ADGRG3: variants seen among roughly 807,000 people sequenced by gnomAD.
ADGRG3 encodes the protein G protein-coupled receptor 97.
In ADGRG3, 39 loss-of-function variants were observed where a neutral mutation model predicts 54.3. The observed-to-expected ratio is 0.72, with a 90% CI of 0.56 to 0.94. The LOEUF is 0.94. Among genes scored for constraint, ADGRG3 ranks in the 40% least tolerant of loss-of-function variants. ADGRG3 has a pLI of 0.00. For synonymous variants in ADGRG3, 312 were observed against 290.0 expected, an observed-to-expected ratio of 1.08 and a Z score of -0.77; for missense variants, 654 against 694.6, an observed-to-expected ratio of 0.94 and a Z score of 0.66.
At chr16:57,678,537 C>T (rs754191276) in intron 4 of ADGRG3, 1 of 576,374 alleles carries the variant, frequency 1.7e-6, no homozygotes, top group Non-Finnish European at 3.1e-6. Flanking sequence ...TGTTTGACCC[C>T]CACACATGAG....
At chr16:57,678,657 G>A (rs1183716300) in intron 4 of ADGRG3, 1 of 373,704 alleles carries the variant, frequency 2.7e-6, no homozygotes, top group African/African-American at 2.0e-5. Flanking sequence ...ACAAGCCCAT[G>A]TACTCAGCTG....
At chr16:57,680,781 A>G (rs896110735) in intron 8 of ADGRG3, among the ~76,000 whole-genome samples, 164 bp downstream of exon 8, 2 of 152,248 alleles carry the variant, frequency 1.3e-5, no homozygotes, top group Admixed American at 1.3e-4. Context: ...TGTCAGAGCT[A>G]TTTCAGGAGC....
chr16:57,668,904 C>G (rs2048101094), intron 1 of ADGRG3, among the ~76,000 whole-genome samples: 1 of 152,134 alleles, frequency 6.6e-6, no homozygotes, highest in African/African-American at 2.4e-5. Context: ...GCCACAACCT[C>G]TTGGTCCTCA....
chr16:57,684,430 C>T lies in ADGRG3; in HGVS notation c.1203C>T (p.Asn401=). 1 of 1,613,904 alleles carries T rather than the reference C, an allele frequency of 6.2e-7. No individual in the cohort carries two copies. The highest frequency in any genetic ancestry group is 8.5e-7 in the Non-Finnish European group (1 of 1,179,942). The part of the protein sequence containing the change: ...ALMVIGTGSA[N]SYGLYTIRDR... ...TGGTCATCGGCACTGGGAGTGCCAACAGCTACGGCCTCTACACCATCCGTG... is the reference window on the plus strand; with the variant it reads ...TGGTCATCGGCACTGGGAGTGCCAATAGCTACGGCCTCTACACCATCCGTG... Residue 401 remains asparagine, a synonymous_variant, in exon 10 of 12, where the codon AAC becomes AAT. Coordinates refer to ENST00000333493, the MANE Select transcript of ADGRG3 (RefSeq NM_170776.5).
At chr16:57,667,690 T>C (rs1489925381), upstream of ADGRG3, among the ~76,000 whole-genome samples, 1 of 152,130 alleles carries the variant, frequency 6.6e-6, no homozygotes, top group Non-Finnish European at 1.5e-5. Flanking sequence ...GTCTTCCCGC[T>C]ACCCTGCCTC....
chr16:57,673,326 GA>G lies in ADGRG3; in HGVS notation c.68del (p.Lys23SerfsTer22). ...TCTCTGCATTCCTTCCTTAGGTCAG[GA>G]AAAGCCCACCGAAGGGCCAAGAAAC... ...LLLLLPTSGQ[E>X]KPTEGPRNTC... On this transcript the variant is annotated frameshift_variant, in exon 2 of 12. Transcript: ENST00000333493. LOFTEE classifies it high-confidence loss of function. 6.2e-7 allele frequency: 1 copy of G among 1,612,700 alleles called. No individual in the cohort carries two copies. The highest frequency in any genetic ancestry group is 2.2e-5 in the East Asian group (1 of 44,816).
At chr16:57,679,722 C>T (rs995747374) in intron 5 of ADGRG3, 94 bp from the exon 6 acceptor site, 1 of 976,524 alleles carries the variant, frequency 1.0e-6, no homozygotes, top group Non-Finnish European at 1.7e-6. Flanking sequence ...CACACTCACA[C>T]TAGGACTCGG....
intron 8 of ADGRG3, among the ~76,000 whole-genome samples, chr16:57,683,334 T>A (rs1478431408): frequency 6.6e-6 from 1 of 152,216 alleles, no homozygotes; most frequent in Non-Finnish European, 1.5e-5. Flanking sequence ...CATCCCATAA[T>A]TTTAAGTACA....
At position 57,676,312 on chromosome 16, in the gene ADGRG3, T is replaced by A; in HGVS notation, c.319T>A (p.Phe107Ile). ...CCTCAGCACCAACACTGCAGAAGAC[T>A]TCTATTTCTCTCTGGAGCCCTCTCA... ...QNLSTNTAEDFYFSLEPSQVP... is the reference protein window; with the variant it reads ...QNLSTNTAEDIYFSLEPSQVP... The change falls in exon 3 of 12, where the codon TTC (phenylalanine) becomes ATC (isoleucine). Residue 107 changes from phenylalanine to isoleucine, a missense_variant. Physicochemically the swap from Phe to Ile is conservative, Grantham distance 21 (BLOSUM62 0). Coordinates refer to ENST00000333493, the MANE Select transcript of ADGRG3 (RefSeq NM_170776.5). 1 of 1,614,198 alleles carries A rather than the reference T, an allele frequency of 6.2e-7. No individual in the cohort carries two copies. The highest frequency in any genetic ancestry group is 8.5e-7 in the Non-Finnish European group (1 of 1,180,010).
At position 57,680,544 on chromosome 16, in the gene ADGRG3, C is replaced by T. The variant is rs764461732; in HGVS notation, c.808C>T (p.Arg270Cys). The change falls in exon 8 of 12, where the codon CGC becomes TGC. Residue 270 changes from arginine to cysteine, a missense_variant. Physicochemically the swap from Arg to Cys is radical, Grantham distance 180. Transcript: ENST00000333493. ...CCAGTCCACGGTGCATATCCTCACACGCATCTCCCAGGCGGGCTGTGGGGT... is the reference window on the plus strand; with the variant it reads ...CCAGTCCACGGTGCATATCCTCACATGCATCTCCCAGGCGGGCTGTGGGGT... ...LDQSTVHILT[R>C]ISQAGCGVSM... 29 of 1,613,864 alleles carry T rather than the reference C, an allele frequency of 1.8e-5. No individual in the cohort carries two copies. The highest frequency in any genetic ancestry group is 2.3e-5 in the Non-Finnish European group (27 of 1,179,952).
At chr16:57,674,571 T>C (rs4784842) in intron 2 of ADGRG3, 202,909 of 453,520 alleles carry the variant, frequency 0.45, 47,826 homozygotes, top group Non-Finnish European at 0.5. Context: ...CTGAAAAGGC[T>C]TCCATTCCCA....
At chr16:57,681,446 C>T (rs1452432681) in intron 8 of ADGRG3, among the ~76,000 whole-genome samples, 2 of 152,038 alleles carry the variant, frequency 1.3e-5, no homozygotes, top group African/African-American at 4.8e-5. Context: ...GAAGGCTGGG[C>T]GTAGTAGCTC....
intron 5 of ADGRG3, 74 bp downstream of exon 5, chr16:57,679,385 C>CAGG: frequency 2.0e-6 from 3 of 1,492,846 alleles, no homozygotes; most frequent in Non-Finnish European, 2.8e-6. Flanking sequence ...CCCATGGGCC[C>CAGG]TGCATGGGAC....
rs780997928 is a variant in ADGRG3, at chr16:57,683,912, C to A, written c.882-20C>A. On this transcript the variant is annotated intron_variant, in intron 8 of 11. Transcript: ENST00000333493. ...CCATGGGAGCTGTGGCCCCTTGGGG[C>A]CTCTTATTTCTCACCCCAGGCTTTC... is the stretch of plus-strand genomic sequence containing the variant. The A allele has an allele frequency of 5.3e-6, 8 of 1,521,254 alleles. No homozygotes were observed. The highest frequency in any genetic ancestry group is 2.3e-5 in the East Asian group (1 of 43,990). The allele number at this position is 1,521,254 out of a possible 1,614,324, so 94.2% of individuals were successfully genotyped here.
chr16:57,688,276 A>G (rs1247135287), intron 11 of ADGRG3, 76 bp from the exon 12 acceptor site: 3 of 923,652 alleles, frequency 3.2e-6, no homozygotes, highest in East Asian at 2.4e-5. Flanking sequence ...CCTCCCTCTC[A>G]GCAGCCACCA....
chr16:57,668,927 A>G (rs28550115), intron 1 of ADGRG3, among the ~76,000 whole-genome samples: 18,425 of 152,142 alleles, frequency 0.12, 1,298 homozygotes, highest in East Asian at 0.33. Flanking sequence ...GGCCTGAGCC[A>G]GGATCCACAC....
rs767594396 is a variant in ADGRG3, at chr16:57,688,814, G to GC, written c.*358dup. 5.4e-5 allele frequency: 10 copies of GC among 184,538 alleles called. 1 individual carries two copies. The highest frequency in any genetic ancestry group is 2.8e-4 in the Admixed American group (5 of 17,734). The allele number at this position is 184,538 out of a possible 1,614,324, so 11.4% of individuals were successfully genotyped here. Reference sequence around the variant, plus strand: ...TGTTGCTGGCATAGCCCTGGAAGGAGCCCCCAGCCTCTCCCCTCCTCCTCC... The same window carrying GC: ...TGTTGCTGGCATAGCCCTGGAAGGAGCCCCCCAGCCTCTCCCCTCCTCCTCC... On this transcript the variant is annotated 3_prime_UTR_variant, in exon 12 of 12. Transcript: ENST00000333493.
At chr16:57,672,815 G>A (rs1484234399) in intron 1 of ADGRG3, among the ~76,000 whole-genome samples, 3 of 152,162 alleles carry the variant, frequency 2.0e-5, no homozygotes, top group African/African-American at 7.2e-5. Flanking sequence ...GGTTGTGTGT[G>A]CTTCTTAGCA....
At chr16:57,671,142 A>C (rs1167774264) in intron 1 of ADGRG3, among the ~76,000 whole-genome samples, 1 of 152,194 alleles carries the variant, frequency 6.6e-6, no homozygotes, top group Non-Finnish European at 1.5e-5. Flanking sequence ...TTAAATGGAA[A>C]TAAGATTCAA....
Sources: allele counts gnomAD v4.1 joint callset (sites outside exome capture counted in the v4.1 genomes callset), GRCh38; gene constraint gnomAD v4.1.1; transcripts MANE v1.5; gene names NCBI Gene and HGNC (gene_info 2026-07-23, HGNC 2026-07-21).